COL5A1: variants seen among roughly 807,000 people sequenced by gnomAD.
COL5A1 encodes the protein collagen alpha-1(V) chain.
In COL5A1, 16 loss-of-function variants were observed where a neutral mutation model predicts 263.7. That is an observed-to-expected ratio of 0.06 (90% CI 0.04 to 0.09). COL5A1 has a LOEUF of 0.09. COL5A1 is among the 10% of genes least tolerant of loss of function. COL5A1 has a pLI of 1.00. For synonymous variants in COL5A1, 1,012 were observed against 1,004.5 expected (o/e 1.01, Z -0.14); for missense variants, 2,036 against 2,540.5 (o/e 0.80, Z 4.27).
intron 18 of COL5A1, among the ~76,000 whole-genome samples, chr9:134,759,292 ATACACACC>A (rs1481445910): frequency 2.6e-5 from 3 of 116,452 alleles, no homozygotes; most frequent in African/African-American, 1.3e-4. Flanking sequence ...ACACACACGC[ATACACACC>A]CACACACCCC....
intron 1 of COL5A1, among the ~76,000 whole-genome samples, chr9:134,673,750 TC>T (rs1193928062): frequency 2.0e-5 from 3 of 152,182 alleles, no homozygotes; most frequent in Non-Finnish European, 4.4e-5. Flanking sequence ...CTTATACTTT[TC>T]AAAAGACACT....
chr9:134,700,507 T>C lies in COL5A1; in HGVS notation c.491+385T>C, dbSNP rs1447128551. On this transcript the variant is annotated intron_variant, in intron 3 of 65. Transcript: ENST00000371817. This position sits in a 1 kb window ranked among gnomAD's most constrained non-coding sequence, Gnocchi z 4.0. Reference sequence around the variant, plus strand: ...GGTGTGTTAGGAGTGGGAGTGAGCATGAGAAAAAGCGGGTCGTGCCAGCAC... The same window carrying C: ...GGTGTGTTAGGAGTGGGAGTGAGCACGAGAAAAAGCGGGTCGTGCCAGCAC... Among the ~76,000 whole-genome samples the C allele has an allele frequency of 2.0e-5, 3 of 152,124 alleles. No individual in the cohort carries two copies. Among genetic ancestry groups the C allele is most frequent in the East Asian group, 3.9e-4 (2 of 5,186 alleles).
rs1334634889 is a variant in COL5A1, at chr9:134,765,396, C to T, written c.2035-285C>T. On this transcript the variant is annotated intron_variant, in intron 20 of 65. Transcript: ENST00000371817. The surrounding 1 kb of genome is among the most constrained non-coding windows in gnomAD (Gnocchi z 5.1). ...CTGCCCCAGCAAGTGTCAGAGGAGC[C>T]GGTCAGCTTGAAAGCCCCCCTTTCC... Among the ~76,000 whole-genome samples the T allele has an allele frequency of 1.3e-5, 2 of 152,098 alleles. No individual in the cohort carries two copies. The highest frequency in any genetic ancestry group is 2.4e-5 in the African/African-American group (1 of 41,408).
chr9:134,712,561 C>T (rs1410771387), intron 4 of COL5A1, among the ~76,000 whole-genome samples: 1 of 34,438 alleles, frequency 2.9e-5, no homozygotes, highest in Admixed American at 2.7e-4. Flanking sequence ...TTCCTGAGCC[C>T]CCTTTCTGTC....
At chr9:134,672,843 CA>C (rs1327200756) in intron 1 of COL5A1, among the ~76,000 whole-genome samples, 2 of 152,026 alleles carry the variant, frequency 1.3e-5, no homozygotes, top group Non-Finnish European at 1.5e-5. Flanking sequence ...AGTCAATTTA[CA>C]AAAATTCATT....
intron 1 of COL5A1, among the ~76,000 whole-genome samples, chr9:134,655,652 GC>G (rs1831945815): frequency 6.6e-6 from 1 of 152,122 alleles, no homozygotes; most frequent in African/African-American, 2.4e-5. Flanking sequence ...GTCACAGGTG[GC>G]CCCCATGAGG....
At chr9:134,643,525 G>C (rs1831372510) in intron 1 of COL5A1, among the ~76,000 whole-genome samples, 1 of 152,148 alleles carries the variant, frequency 6.6e-6, no homozygotes, top group Non-Finnish European at 1.5e-5. Context: ...GTGCTTGTTG[G>C]GCTAACTGGA....
At chr9:134,743,264 C>A (rs1247521279) in intron 11 of COL5A1, among the ~76,000 whole-genome samples, 2 of 152,194 alleles carry the variant, frequency 1.3e-5, no homozygotes, top group African/African-American at 2.4e-5. Flanking sequence ...TGTGGCCAAA[C>A]TCCTCCTGAA....
At chr9:134,659,416 AG>A (rs750290461) in intron 1 of COL5A1, among the ~76,000 whole-genome samples, 20 of 152,152 alleles carry the variant, frequency 1.3e-4, no homozygotes, top group Non-Finnish European at 2.2e-4. Flanking sequence ...ATCATAAAAA[AG>A]CCTTTGAGTT....
chr9:134,760,052 A>T (rs1309311961), intron 18 of COL5A1, among the ~76,000 whole-genome samples: 1 of 107,552 alleles, frequency 9.3e-6, no homozygotes, highest in Non-Finnish European at 1.9e-5. Flanking sequence ...ATACACACCC[A>T]CACACCCCCA....
intron 1 of COL5A1, among the ~76,000 whole-genome samples, chr9:134,657,851 A>G (rs1832069559): frequency 6.6e-6 from 1 of 151,846 alleles, no homozygotes; most frequent in African/African-American, 2.4e-5. Context: ...GGCCTGGCTT[A>G]TGGCCTGGGG....
At chr9:134,820,066 ATGAGG>A in intron 57 of COL5A1, 45 bp from the exon 58 acceptor site, 1 of 1,421,618 alleles carries the variant, frequency 7.0e-7, no homozygotes. Context: ...GTGGCCGAGC[ATGAGG>A]CGTGGCTCCC....
At chr9:134,699,366 C>T (rs759424508) in intron 2 of COL5A1, among the ~76,000 whole-genome samples, 4 of 152,092 alleles carry the variant, frequency 2.6e-5, no homozygotes, top group Admixed American at 2.0e-4. Context: ...CTCTGTTTTG[C>T]GTATCAACCA....
At chr9:134,837,600 C>T (rs575562253) in intron 65 of COL5A1, among the ~76,000 whole-genome samples, 2 of 151,914 alleles carry the variant, frequency 1.3e-5, no homozygotes, top group South Asian at 2.1e-4. Context: ...TTCCTGGCTC[C>T]ACCTGCATCC....
rs113122539 is a variant in COL5A1 at position 134,823,506 on chromosome 9, G to A, written c.4698+37G>A. 644 of 1,601,938 alleles carry A rather than the reference G, an allele frequency of 4.0e-4. 3 individuals carry two copies. In the Middle Eastern group the frequency reaches 8.9e-3, roughly 22 times the overall value. ...TTGAAGCCCAGAAAGCGGGACGGGGGCTCTGGCTAGCTCCGAGGGAATTGA... is the reference window on the plus strand; with the variant it reads ...TTGAAGCCCAGAAAGCGGGACGGGGACTCTGGCTAGCTCCGAGGGAATTGA... On this transcript the variant is annotated intron_variant, in intron 61 of 65. Transcript: ENST00000371817.
At chr9:134,728,901 G>A in intron 6 of COL5A1, 94 bp downstream of exon 6, 2 of 1,526,632 alleles carry the variant, frequency 1.3e-6, no homozygotes, top group African/African-American at 2.7e-5. Context: ...CAGGGTAGAG[G>A]GTTGGGGGCT....
In COL5A1 at chr9:134,782,675, C is replaced by T. The variant is rs148648778; in HGVS notation, c.2439C>T (p.Asp813=). 9.7e-4 allele frequency: 1,559 copies of T among 1,613,578 alleles called. 9 individuals carry two copies. The African/African-American group carries it at 0.01, about 10-fold the overall frequency. The change falls in exon 29 of 66, where the codon GAC becomes GAT. Residue 813 remains aspartate (D), a synonymous_variant. Coordinates refer to ENST00000371817, the MANE Select transcript of COL5A1 (RefSeq NM_000093.5). ...TCTTGTCCCATATTCAGGGTGAAGA[C>T]GGCTTTCCTGGGTTTAAAGGAGACA... The part of the protein sequence containing the change: ...LKGTKGEKGE[D]GFPGFKGDMG...
In COL5A1 at chr9:134,760,773, C is replaced by T. The variant is rs1302342098; in HGVS notation, c.1936-1152C>T. On this transcript the variant is annotated intron_variant, in intron 18 of 65. Transcript: ENST00000371817. ...ACACACCCCACACATACACGAACAC[C>T]ACCTACACATGCACACACACGCATA... Among the ~76,000 whole-genome samples the T allele has an allele frequency of 2.1e-5, 3 of 141,458 alleles. 1 individual carries two copies. Among genetic ancestry groups the T allele is most frequent in the South Asian group, 4.7e-4 (2 of 4,242 alleles). The allele number at this position is 141,458 out of a possible 152,430, so 92.8% of individuals were successfully genotyped here.
rs1178578216 is a variant in COL5A1 at position 134,642,012 on chromosome 9, C to T, written c.-176C>T. ...CCCGCCCGTGGGCGAGCGCGCCAGCCGCCCCTTCCAGAACAGCCGCCGCCA... is the reference window on the plus strand; with the variant it reads ...CCCGCCCGTGGGCGAGCGCGCCAGCTGCCCCTTCCAGAACAGCCGCCGCCA... On this transcript the variant is annotated 5_prime_UTR_variant, in exon 1 of 66. Coordinates refer to ENST00000371817, the MANE Select transcript of COL5A1 (RefSeq NM_000093.5). The surrounding 1 kb of genome is among the most constrained non-coding windows in gnomAD (Gnocchi z 4.5). 12 of 535,314 alleles carry T rather than the reference C, an allele frequency of 2.2e-5. No homozygotes were observed. The highest frequency in any genetic ancestry group is 3.4e-5 in the Non-Finnish European group (12 of 352,354). 33.2% of individuals were successfully genotyped at this position (535,314 alleles called of 1,614,324 possible). A position where few individuals can be genotyped will look rare whatever the true frequency, so the allele number is the denominator to read the frequency against.
Sources: allele counts gnomAD v4.1 joint callset (sites outside exome capture counted in the v4.1 genomes callset), GRCh38; gene constraint gnomAD v4.1.1; non-coding constraint Gnocchi (gnomAD v3.1); transcripts MANE v1.5; gene names NCBI Gene and HGNC (gene_info 2026-07-23, HGNC 2026-07-21).